The following ANTXRL variants were observed in gnomAD, a reference collection of about 807,000 sequenced individuals.
The protein encoded by ANTXRL is anthrax toxin receptor-like.
In ANTXRL, 63 loss-of-function variants were observed where a neutral mutation model predicts 75.4. The ratio of observed to expected loss-of-function variants is 0.84; its 90% confidence interval spans 0.68 to 1.03. ANTXRL has a LOEUF of 1.03. Among genes scored for constraint, ANTXRL ranks in the 50% least tolerant of loss-of-function variants. ANTXRL has a pLI of 0.00. For synonymous variants in ANTXRL, 335 were observed against 291.3 expected (o/e 1.15, Z -1.53); for missense variants, 797 against 789.4 (o/e 1.01, Z -0.12).
rs1225769979 is a variant in ANTXRL at position 46,307,457 on chromosome 10, G to T, written c.1021G>T (p.Val341Phe). Reference protein sequence around the residue: ...NKGKTFFKSNVSITSTTCGIF... With the variant: ...NKGKTFFKSNFSITSTTCGIF... ...AGGCAAAACATTCTTCAAGAGCAAT[G>T]TCAGCATCACCAGCACCACATGTGT... Residue 341 changes from valine to phenylalanine, a missense_variant, in exon 12 of 17, where the codon GTC (valine) becomes TTC (phenylalanine). Around this residue, in one of 3 missense-constraint regions of ANTXRL, gnomAD observed 479 missense variants for 422.0 expected, o/e 1.14. Transcript: ENST00000620264. 6.5e-6 allele frequency: 10 copies of T among 1,536,190 alleles called. No homozygotes were observed. Among genetic ancestry groups the T allele is most frequent in the Non-Finnish European group, 8.7e-6 (10 of 1,146,792 alleles).
At chr10:46,300,322 G>A (rs181566526) in intron 9 of ANTXRL, among the ~76,000 whole-genome samples, 2 of 152,268 alleles carry the variant, frequency 1.3e-5, no homozygotes, top group African/African-American at 2.4e-5. Context: ...TCAGCAGGCT[G>A]CCACTGAGAA....
chr10:46,293,298 CT>C (rs1837108709), intron 2 of ANTXRL, among the ~76,000 whole-genome samples: 1 of 41,204 alleles, frequency 2.4e-5, no homozygotes, highest in Non-Finnish European at 7.0e-5. Context: ...GCGTGTGTGC[CT>C]GTGTGTGTGT....
intron 12 of ANTXRL, chr10:46,308,786 C>T (rs1374177087): frequency 3.5e-5 from 14 of 396,676 alleles, no homozygotes; most frequent in African/African-American, 2.5e-4. Context: ...GTGCCTGCAC[C>T]TCCACCCTCA....
At chr10:46,294,037 T>A in intron 3 of ANTXRL, 137 bp downstream of exon 3, 1 of 736,994 alleles carries the variant, frequency 1.4e-6, no homozygotes, top group Non-Finnish European at 2.2e-6. Context: ...CAACTCACAG[T>A]ACCCACCTGA....
chr10:46,330,039 G>T lies in ANTXRL; in HGVS notation c.1851G>T (p.Thr617=), dbSNP rs10906952. The part of the protein sequence containing the change: ...LPLLSPLLRH[T]AEPPLSLPPS... Reference sequence around the variant, plus strand: ...TGCTGTCCCCACTGCTCAGGCACACGGCAGAACCCCCTTTGTCACTCCCCC... The same window carrying T: ...TGCTGTCCCCACTGCTCAGGCACACTGCAGAACCCCCTTTGTCACTCCCCC... Residue 617 remains threonine (T), a synonymous_variant, in exon 17 of 17, where the codon ACG becomes ACT. Coordinates refer to ENST00000620264, the MANE Select transcript of ANTXRL (RefSeq NM_001278688.3). 6.5e-7 allele frequency: 1 copy of T among 1,530,852 alleles called. No individual in the cohort carries two copies. The highest frequency in any genetic ancestry group is 2.5e-5 in the East Asian group (1 of 40,758). The allele number at this position is 1,530,852 out of a possible 1,614,324, so 94.8% of individuals were successfully genotyped here. A position where few individuals can be genotyped will look rare whatever the true frequency, so the allele number is the denominator to read the frequency against.
At chr10:46,300,897 T>G (rs1341285378) in intron 9 of ANTXRL, among the ~76,000 whole-genome samples, 1 of 152,114 alleles carries the variant, frequency 6.6e-6, no homozygotes, top group African/African-American at 2.4e-5. Flanking sequence ...TGTAGGTGAG[T>G]GGAAAGGATT....
At chr10:46,318,106 G>A (rs1441306036) in intron 16 of ANTXRL, among the ~76,000 whole-genome samples, 2 of 152,112 alleles carry the variant, frequency 1.3e-5, no homozygotes, top group Admixed American at 1.3e-4. Flanking sequence ...GGCAGAGGAG[G>A]GGAGGTGGCC....
intron 16 of ANTXRL, among the ~76,000 whole-genome samples, chr10:46,324,659 C>T (rs187200221): frequency 6.7e-4 from 102 of 152,222 alleles, no homozygotes; most frequent in African/African-American, 2.1e-3. Flanking sequence ...CCTTTATAGA[C>T]GCCGCACTTT....
At chr10:46,296,724 C>T (rs555610917) in intron 5 of ANTXRL, among the ~76,000 whole-genome samples, 7 of 152,276 alleles carry the variant, frequency 4.6e-5, no homozygotes, top group East Asian at 1.9e-4. Context: ...AGAGGAAAGG[C>T]GTTGAGGTGG....
At chr10:46,307,094 G>A (rs1482014450) in intron 11 of ANTXRL, among the ~76,000 whole-genome samples, 1 of 152,176 alleles carries the variant, frequency 6.6e-6, no homozygotes, top group Non-Finnish European at 1.5e-5. Flanking sequence ...GGATGCAGGA[G>A]ATGATTGCCC....
chr10:46,295,249 G>A (rs1731975672), intron 3 of ANTXRL, among the ~76,000 whole-genome samples: 1 of 152,160 alleles, frequency 6.6e-6, no homozygotes, highest in African/African-American at 2.4e-5. Context: ...GGGGTCTGGG[G>A]TCATTGGGCT....
intron 10 of ANTXRL, among the ~76,000 whole-genome samples, chr10:46,303,216 C>A (rs1216444448): frequency 6.6e-6 from 1 of 152,148 alleles, no homozygotes; most frequent in Admixed American, 6.5e-5. Flanking sequence ...CCTGAATGGC[C>A]AGGTGCACCA....
At chr10:46,288,758 A>G (rs1836861859) in intron 1 of ANTXRL, among the ~76,000 whole-genome samples, 2 of 152,212 alleles carry the variant, frequency 1.3e-5, no homozygotes, top group African/African-American at 4.8e-5. Context: ...GGGACCTGCC[A>G]GGCAAGGCAG....
At position 46,287,305 on chromosome 10, in the gene ANTXRL, C is replaced by G; in HGVS notation, c.43C>G (p.Leu15Val). The part of the protein sequence containing the change: ...ESLGPYFLVF[L>V]LLLLLPPPLF... ...CCTGGGGCCCTACTTCCTGGTCTTC[C>G]TGCTGCTGCTGCTGCTTCCTCCACC... Residue 15 changes from leucine (L) to valine (V), a missense_variant, in exon 1 of 17, where the codon CTG becomes GTG. Transcript: ENST00000620264. The G allele has an allele frequency of 6.5e-7, 1 of 1,528,264 alleles. No individual in the cohort carries two copies. The highest frequency in any genetic ancestry group is 8.8e-7 in the Non-Finnish European group (1 of 1,141,716). 94.7% of individuals were successfully genotyped at this position (1,528,264 alleles called of 1,614,324 possible). A position where few individuals can be genotyped will look rare whatever the true frequency, so the allele number is the denominator to read the frequency against.
At chr10:46,325,881 TTC>T (rs1839188026) in intron 16 of ANTXRL, among the ~76,000 whole-genome samples, 1 of 152,076 alleles carries the variant, frequency 6.6e-6, no homozygotes, top group Non-Finnish European at 1.5e-5. Flanking sequence ...TGCCATCCAT[TTC>T]TTAGCTTCAC....
chr10:46,296,359 C>A (rs1232423625), intron 5 of ANTXRL, 107 bp downstream of exon 5: 1 of 1,287,186 alleles, frequency 7.8e-7, no homozygotes, highest in African/African-American at 1.5e-5. Flanking sequence ...TGCCCTGCCT[C>A]TTGGAGCAAG....
At chr10:46,311,221 TA>T (rs1426542198) in intron 14 of ANTXRL, among the ~76,000 whole-genome samples, 1 of 152,070 alleles carries the variant, frequency 6.6e-6, no homozygotes, top group Non-Finnish European at 1.5e-5. Context: ...ACCAGGTGGA[TA>T]CGGACAGTCA....
intron 1 of ANTXRL, among the ~76,000 whole-genome samples, chr10:46,288,301 C>T (rs1836844534): frequency 6.6e-6 from 1 of 152,132 alleles, no homozygotes; most frequent in Non-Finnish European, 1.5e-5. Context: ...TGGCACCTCA[C>T]CACAATCCTG....
rs1277652982 is a variant in ANTXRL at position 46,296,261 on chromosome 10, C to G, written c.508+9C>G. ...AAGTTTCAACTCCGGAAGTAAGCAC[C>G]TGCCGTCCCCCTGGTGGTCCTGTAG... On this transcript the variant is annotated intron_variant, in intron 5 of 16. Coordinates refer to ENST00000620264, the MANE Select transcript of ANTXRL (RefSeq NM_001278688.3). 6 of 1,535,632 alleles carry G rather than the reference C, an allele frequency of 3.9e-6. No homozygotes were observed. The highest frequency in any genetic ancestry group is 5.2e-6 in the Non-Finnish European group (6 of 1,146,648).
Sources: allele counts gnomAD v4.1 joint callset (sites outside exome capture counted in the v4.1 genomes callset), GRCh38; gene constraint gnomAD v4.1.1; regional missense constraint gnomAD v4.1.1; transcripts MANE v1.5; gene names NCBI Gene and HGNC (gene_info 2026-07-23, HGNC 2026-07-21).